Variants in RPS6KC1 observed in about 807,000 individuals in gnomAD.
RPS6KC1 encodes inactive ribosomal protein S6 kinase delta-1.
RPS6KC1 carries 54 observed loss-of-function variants against 103.8 expected under a neutral mutation model. The observed-to-expected ratio is 0.52, with a 90% CI of 0.42 to 0.65. The LOEUF is 0.65. RPS6KC1 is among the 30% of genes least tolerant of loss of function. The pLI, the probability that RPS6KC1 is intolerant of heterozygous loss-of-function variation, is 0.00. For synonymous variants in RPS6KC1, 439 were observed against 438.7 expected (o/e 1.00, Z -0.01); for missense variants, 1,151 against 1,253.8 (o/e 0.92, Z 1.24).
chr1:213,708,490 T>C, the RPS6KC1 span, among the ~76,000 whole-genome samples: 2 of 151,468 alleles, frequency 1.3e-5, no homozygotes, highest in African/African-American at 4.8e-5. Context: ...GAGCCTAGGA[T>C]TGCAAATGGA....
At chr1:213,239,427 A>T (rs1258690261) in intron 10 of RPS6KC1, among the ~76,000 whole-genome samples, 5 of 152,172 alleles carry the variant, frequency 3.3e-5, no homozygotes, top group African/African-American at 1.2e-4. Flanking sequence ...GATTAATATT[A>T]TGACAATTAG....
At chr1:213,353,446 C>T in the RPS6KC1 span, among the ~76,000 whole-genome samples, 1 of 152,224 alleles carries the variant, frequency 6.6e-6, no homozygotes, top group African/African-American at 2.4e-5. Flanking sequence ...AGTAACTTAC[C>T]TGGGGTAACC....
chr1:213,098,288 C>T (rs978393514), intron 3 of RPS6KC1, among the ~76,000 whole-genome samples: 1 of 149,228 alleles, frequency 6.7e-6, no homozygotes, highest in East Asian at 2.0e-4. Flanking sequence ...AGGCATGTGC[C>T]ACCATGCCCG....
chr1:213,692,754 C>G, the RPS6KC1 span, among the ~76,000 whole-genome samples: 4 of 152,172 alleles, frequency 2.6e-5, no homozygotes, highest in Admixed American at 2.6e-4. Flanking sequence ...GCCTACTCAC[C>G]CAGCTCCTCC....
intron 6 of RPS6KC1, among the ~76,000 whole-genome samples, chr1:213,150,914 C>G (rs1391992332): frequency 6.6e-6 from 1 of 151,962 alleles, no homozygotes; most frequent in African/African-American, 2.4e-5. Flanking sequence ...CCCTCACCTC[C>G]TGGGCGGGGC....
the RPS6KC1 span, among the ~76,000 whole-genome samples, chr1:213,472,837 A>G: frequency 1.3e-5 from 2 of 152,250 alleles, no homozygotes; most frequent in African/African-American, 2.4e-5. Flanking sequence ...AAGAAATCTA[A>G]GTATATTCAA....
chr1:213,844,882 C>T, the RPS6KC1 span, among the ~76,000 whole-genome samples: 2 of 152,252 alleles, frequency 1.3e-5, no homozygotes, highest in South Asian at 2.1e-4. Flanking sequence ...CAGATGCACA[C>T]CTTCCCTACC....
intron 6 of RPS6KC1, among the ~76,000 whole-genome samples, chr1:213,142,011 C>T (rs1177042668): frequency 6.6e-6 from 1 of 152,088 alleles, no homozygotes; most frequent in South Asian, 2.1e-4. Flanking sequence ...ATCTAAGTCT[C>T]TTTATAGGTC....
At chr1:213,386,436 T>C in the RPS6KC1 span, among the ~76,000 whole-genome samples, 1 of 152,232 alleles carries the variant, frequency 6.6e-6, no homozygotes, top group South Asian at 2.1e-4. Flanking sequence ...CTCAGGGCTG[T>C]GATGAGGATG....
At chr1:213,756,246 G>A in the RPS6KC1 span, among the ~76,000 whole-genome samples, 1 of 152,316 alleles carries the variant, frequency 6.6e-6, no homozygotes, top group South Asian at 2.1e-4. Context: ...AAAAGACCAT[G>A]TGCCCAGCTT....
chr1:213,241,341 A>G lies in RPS6KC1; in HGVS notation c.1865A>G (p.Tyr622Cys), dbSNP rs771657969. The change falls in exon 11 of 15, where the codon TAT becomes TGT. Residue 622 changes from tyrosine to cysteine, a missense_variant. Around this residue, in one of 3 missense-constraint regions of RPS6KC1, gnomAD observed 959 missense variants for 1,006.3 expected, o/e 0.95. Coordinates refer to ENST00000366960, the MANE Select transcript of RPS6KC1 (RefSeq NM_012424.6). ...GGACTTGACTTTGGAGAAAAATTGT[A>G]TAGTCTAAAATCAGAACCTTTGAAA... is the stretch of plus-strand genomic sequence containing the variant. Reference protein sequence around the residue: ...LLGLDFGEKLYSLKSEPLKPF... With the variant: ...LLGLDFGEKLCSLKSEPLKPF... The G allele has an allele frequency of 1.5e-5, 24 of 1,613,974 alleles. No individual in the cohort carries two copies. Among genetic ancestry groups the G allele is most frequent in the Admixed American group, 5.0e-5 (3 of 59,944 alleles).
the RPS6KC1 span, among the ~76,000 whole-genome samples, chr1:213,359,930 T>C: frequency 6.6e-6 from 1 of 152,230 alleles, no homozygotes; most frequent in Non-Finnish European, 1.5e-5. Flanking sequence ...AGATCAGCTG[T>C]TAGTCTGATG....
At chr1:213,430,159 T>A in the RPS6KC1 span, among the ~76,000 whole-genome samples, 1 of 152,170 alleles carries the variant, frequency 6.6e-6, no homozygotes, top group Non-Finnish European at 1.5e-5. Flanking sequence ...TTGTCAAATG[T>A]CACAGAGCTA....
chr1:213,155,653 A>G (rs2089800745), intron 6 of RPS6KC1, among the ~76,000 whole-genome samples: 3 of 152,130 alleles, frequency 2.0e-5, no homozygotes, highest in Admixed American at 2.0e-4. Flanking sequence ...GACGTCAGCA[A>G]TTCGGGACTG....
the RPS6KC1 span, among the ~76,000 whole-genome samples, chr1:213,843,087 T>C: frequency 6.6e-6 from 1 of 152,208 alleles, no homozygotes; most frequent in Non-Finnish European, 1.5e-5. Flanking sequence ...GCTGAAAACT[T>C]AGGCAGGGTT....
chr1:213,455,264 G>A, the RPS6KC1 span, among the ~76,000 whole-genome samples: 5 of 152,208 alleles, frequency 3.3e-5, no homozygotes, highest in African/African-American at 1.2e-4. Context: ...GAGGAATGGC[G>A]GTGGATCGTA....
At chr1:213,415,300 G>T in the RPS6KC1 span, among the ~76,000 whole-genome samples, 2 of 152,202 alleles carry the variant, frequency 1.3e-5, no homozygotes, top group Non-Finnish European at 2.9e-5. Flanking sequence ...TCTCAAGAGG[G>T]TATTTGCATT....
chr1:213,314,796 T>A, the RPS6KC1 span, among the ~76,000 whole-genome samples: 1 of 152,186 alleles, frequency 6.6e-6, no homozygotes, highest in Non-Finnish European at 1.5e-5. Flanking sequence ...AAATAATTTT[T>A]TTATAACATG....
At chr1:213,491,496 T>C in the RPS6KC1 span, among the ~76,000 whole-genome samples, 1 of 152,110 alleles carries the variant, frequency 6.6e-6, no homozygotes, top group African/African-American at 2.4e-5. Context: ...TGAAGTGAGC[T>C]GAGATTGCAC....
Sources: allele counts gnomAD v4.1 joint callset (sites outside exome capture counted in the v4.1 genomes callset), GRCh38; gene constraint gnomAD v4.1.1; regional missense constraint gnomAD v4.1.1; transcripts MANE v1.5; gene names NCBI Gene and HGNC (gene_info 2026-07-23, HGNC 2026-07-21).